Variants in FBN2 observed in about 807,000 individuals in gnomAD.
FBN2 encodes the protein fibrillin-2.
A neutral mutation model predicts 355.6 loss-of-function variants in FBN2; 105 were observed. That is an observed-to-expected ratio of 0.30 (90% CI 0.25 to 0.35). The LOEUF (loss-of-function observed/expected upper bound fraction) is 0.35. FBN2 is among the 10% of genes least tolerant of loss of function. The pLI is 1.00. For synonymous variants in FBN2, 1,350 were observed against 1,301.2 expected (o/e 1.04, Z -0.81); for missense variants, 3,280 against 3,758.7 (o/e 0.87, Z 3.33).
chr5:128,282,558 A>G (rs1174834795), intron 55 of FBN2, among the ~76,000 whole-genome samples: 1 of 152,130 alleles, frequency 6.6e-6, no homozygotes, highest in Non-Finnish European at 1.5e-5. Context: ...TTTCTTCTGT[A>G]GTACATAATT....
chr5:128,291,947 T>C (rs1749335588), intron 48 of FBN2, among the ~76,000 whole-genome samples: 1 of 152,066 alleles, frequency 6.6e-6, no homozygotes, highest in African/African-American at 2.4e-5. Context: ...TCATGGGCAT[T>C]GCAGGCTCCA....
intron 56 of FBN2, among the ~76,000 whole-genome samples, chr5:128,279,719 T>C (rs1338059333): frequency 1.3e-5 from 2 of 151,882 alleles, no homozygotes; most frequent in African/African-American, 2.4e-5. Flanking sequence ...CATTTTAACA[T>C]TAAAATAAAA....
intron 5 of FBN2, among the ~76,000 whole-genome samples, chr5:128,474,269 A>C (rs1026689770): frequency 9.9e-5 from 15 of 152,230 alleles, no homozygotes; most frequent in Non-Finnish European, 1.9e-4. Context: ...TGAAGAAGAA[A>C]GTTAAAGAGA....
At chr5:128,536,585 C>A (rs1756853504) in intron 1 of FBN2, 101 bp from the exon 2 acceptor site, 2 of 816,852 alleles carry the variant, frequency 2.4e-6, no homozygotes, top group Non-Finnish European at 2.1e-6. Flanking sequence ...GATTTCAGGA[C>A]AACAAACAAA....
intron 48 of FBN2, among the ~76,000 whole-genome samples, chr5:128,296,664 C>T (rs1310605428): frequency 6.6e-6 from 1 of 152,192 alleles, no homozygotes; most frequent in Admixed American, 6.5e-5. Flanking sequence ...GTTTGTATTT[C>T]TGTGGGATCG....
chr5:128,319,300 T>A (rs1750301000), intron 34 of FBN2, among the ~76,000 whole-genome samples: 2 of 151,790 alleles, frequency 1.3e-5, no homozygotes, highest in Non-Finnish European at 2.9e-5. Context: ...ATACAAAAAT[T>A]AAATATAAAC....
rs748040483 is a variant in FBN2, at chr5:128,537,515, G to A, written c.89C>T (p.Pro30Leu). 1 of 1,576,744 alleles carries A rather than the reference G, an allele frequency of 6.3e-7. No individual in the cohort carries two copies. Among genetic ancestry groups the A allele is most frequent in the Non-Finnish European group, 8.6e-7 (1 of 1,164,356 alleles). The change falls in exon 1 of 65, where the codon CCT becomes CTT. Residue 30 changes from proline to leucine, a missense_variant. Coordinates refer to ENST00000262464, the MANE Select transcript of FBN2 (RefSeq NM_001999.4). ...VLWAQGTAGQ[P>L]QPPPPKPPRP... ...GGGCGGCTTGGGCGGAGGAGGCTGA[G>A]GCTGGCCGGCCGTGCCCTGCGCCCA...
chr5:128,518,678 G>T (rs1321289748), intron 5 of FBN2, among the ~76,000 whole-genome samples: 3 of 152,146 alleles, frequency 2.0e-5, no homozygotes, highest in Non-Finnish European at 2.9e-5. Context: ...TGTCTCAAGA[G>T]GTGAAGAAGA....
chr5:128,438,140 T>C (rs1211016804), intron 7 of FBN2, among the ~76,000 whole-genome samples: 1 of 152,182 alleles, frequency 6.6e-6, no homozygotes, highest in Non-Finnish European at 1.5e-5. Context: ...CACATGCACA[T>C]ACTACCACGT....
chr5:128,423,288 T>C (rs1435833711), intron 7 of FBN2, among the ~76,000 whole-genome samples: 4 of 152,156 alleles, frequency 2.6e-5, no homozygotes, highest in Non-Finnish European at 5.9e-5. Flanking sequence ...TACCTGAGAC[T>C]GGGTAATTTA....
intron 6 of FBN2, among the ~76,000 whole-genome samples, chr5:128,448,458 C>A (rs1399979102): frequency 6.6e-6 from 1 of 151,982 alleles, no homozygotes; most frequent in Non-Finnish European, 1.5e-5. Context: ...CAGGCATGCA[C>A]CACCACGCCC....
chr5:128,259,564 A>C lies in FBN2; in HGVS notation c.8630T>G (p.Leu2877Arg). 6.2e-7 allele frequency: 1 copy of C among 1,614,038 alleles called. No individual in the cohort carries two copies. Among genetic ancestry groups the C allele is most frequent in the South Asian group, 1.1e-5 (1 of 91,076 alleles). ...TYTLEITSIP[L>R]YKKKELKKLE... ...TTTCTTAAGCTCCTTCTTCTTGTAG[A>C]GAGGGATGCTAGTGATTTCCAGTGT... The change falls in exon 65 of 65, where the codon CTC becomes CGC. Residue 2877 changes from leucine (L) to arginine (R), a missense_variant. Coordinates refer to ENST00000262464, the MANE Select transcript of FBN2 (RefSeq NM_001999.4).
Position 128,277,873 on chromosome 5 carries a change from T to C in FBN2, c.7471+7A>G, listed in dbSNP as rs750081283. The C allele has an allele frequency of 6.2e-7, 1 of 1,614,106 alleles. No individual in the cohort carries two copies. Among genetic ancestry groups the C allele is most frequent in the Non-Finnish European group, 8.5e-7 (1 of 1,179,984 alleles). ...AAACCCCTGGATATAGAGGTGCCCA[T>C]CGTTACCTATACAAGAGGTTCCACT... On this transcript the variant is annotated splice_region_variant and intron_variant, in intron 58 of 64. Coordinates refer to ENST00000262464, the MANE Select transcript of FBN2 (RefSeq NM_001999.4).
In FBN2 at chr5:128,459,608, C is replaced by T. The variant is rs544591406; in HGVS notation, c.826+5116G>A. ...AGCACATCAAAAAACTTATCCACCA[C>T]CATCAAGTCAGCTTCGTCCCCAGGA... On this transcript the variant is annotated intron_variant, in intron 6 of 64. Coordinates refer to ENST00000262464, the MANE Select transcript of FBN2 (RefSeq NM_001999.4). Among the ~76,000 whole-genome samples, 102 of 152,306 alleles carry T rather than the reference C, an allele frequency of 6.7e-4. 1 individual carries two copies. The highest frequency in any genetic ancestry group is 2.1e-3 in the African/African-American group (87 of 41,578).
intron 5 of FBN2, among the ~76,000 whole-genome samples, chr5:128,494,350 C>T (rs915230203): frequency 3.3e-5 from 5 of 152,034 alleles, no homozygotes; most frequent in African/African-American, 1.2e-4. Context: ...TGATGGTAGG[C>T]AATTAAAAGG....
intron 6 of FBN2, among the ~76,000 whole-genome samples, chr5:128,446,924 T>A (rs774607111): frequency 3.0e-4 from 45 of 152,076 alleles, no homozygotes; most frequent in Non-Finnish European, 5.4e-4. Flanking sequence ...TTGTGAAGAT[T>A]TCATGGACAT....
intron 5 of FBN2, among the ~76,000 whole-genome samples, chr5:128,496,459 T>C (rs1247965536): frequency 6.6e-6 from 1 of 151,570 alleles, no homozygotes; most frequent in Non-Finnish European, 1.5e-5. Context: ...AAAGAACAAG[T>C]TTCATAATAA....
chr5:128,525,586 C>T (rs1756539677), intron 4 of FBN2, among the ~76,000 whole-genome samples: 1 of 152,052 alleles, frequency 6.6e-6, no homozygotes, highest in East Asian at 1.9e-4. Flanking sequence ...AACACATTGG[C>T]CCCTCCTATT....
intron 7 of FBN2, among the ~76,000 whole-genome samples, chr5:128,428,771 T>C (rs1484414176): frequency 6.6e-6 from 1 of 152,226 alleles, no homozygotes; most frequent in African/African-American, 2.4e-5. Context: ...TCCCAGGGTC[T>C]AGAACAGTGA....
Sources: gnomAD v4.1 joint callset for allele counts (sites outside exome capture counted in the v4.1 genomes callset) on GRCh38, gnomAD v4.1.1 for gene constraint, MANE v1.5 for transcripts, NCBI Gene and HGNC (gene_info 2026-07-23, HGNC 2026-07-21) for gene names.